OCM: variants seen among roughly 807,000 people sequenced by gnomAD.
OCM encodes the protein oncomodulin.
A neutral mutation model predicts 14.1 loss-of-function variants in OCM; 18 were observed. That is an observed-to-expected ratio of 1.28 (90% confidence interval 0.88 to 1.89). The LOEUF (loss-of-function observed/expected upper bound fraction) is 1.89. OCM is among the 40% of genes most tolerant of loss of function. OCM has a pLI of 0.00. For missense variants in OCM, 140 were observed against 137.6 expected (o/e 1.02, Z -0.09); for synonymous variants, 48 against 51.0 (o/e 0.94, Z 0.25).
chr7:5,864,346 CAAAAA>C, the OCM span, among the ~76,000 whole-genome samples: 2 of 121,794 alleles, frequency 1.6e-5, no homozygotes, highest in Admixed American at 8.1e-5. Context: ...GACCTTGTCT[CAAAAA>C]AAAAAAAAAA....
the OCM span, among the ~76,000 whole-genome samples, chr7:5,870,735 C>T: frequency 6.6e-6 from 1 of 152,158 alleles, no homozygotes; most frequent in Admixed American, 6.5e-5. Context: ...AAGTGCTTGA[C>T]ATGTCAGCAC....
chr7:5,879,595 C>T (rs992899007), upstream of OCM, among the ~76,000 whole-genome samples: 1 of 152,060 alleles, frequency 6.6e-6, no homozygotes, highest in African/African-American at 2.4e-5. Flanking sequence ...TTCAGGCCAC[C>T]ATCTCCACCT....
the OCM span, among the ~76,000 whole-genome samples, chr7:5,865,173 C>CG: frequency 6.6e-6 from 1 of 151,816 alleles, no homozygotes; most frequent in African/African-American, 2.4e-5. Flanking sequence ...TGGCCAGCGT[C>CG]GGGGCCGACG....
At chr7:5,864,534 A>G in the OCM span, among the ~76,000 whole-genome samples, 35 of 152,138 alleles carry the variant, frequency 2.3e-4, no homozygotes, top group East Asian at 6.6e-3. Flanking sequence ...CGTTAGTAAA[A>G]GCTCAACTTT....
intron 1 of OCM, among the ~76,000 whole-genome samples, chr7:5,881,512 C>T (rs1415687400): frequency 6.6e-6 from 1 of 151,888 alleles, no homozygotes; most frequent in Non-Finnish European, 1.5e-5. Flanking sequence ...TGCCTGTGGT[C>T]CCAGCTACTC....
chr7:5,862,434 C>A, the OCM span, among the ~76,000 whole-genome samples: 3 of 152,042 alleles, frequency 2.0e-5, no homozygotes, highest in Non-Finnish European at 4.4e-5. Context: ...GGATACATCT[C>A]CCCCTATAAA....
the OCM span, among the ~76,000 whole-genome samples, chr7:5,861,639 G>C: frequency 0.16 from 24,200 of 152,012 alleles, 2,136 homozygotes; most frequent in East Asian, 0.35. Context: ...GAGGGTTCCA[G>C]TTCCTCTCTC....
intron 2 of OCM, among the ~76,000 whole-genome samples, chr7:5,883,325 T>A (rs999688008): frequency 6.6e-6 from 1 of 152,098 alleles, no homozygotes; most frequent in Non-Finnish European, 1.5e-5. Flanking sequence ...CACTCCAGCC[T>A]GGGTGACAGA....
chr7:5,865,394 AT>A, the OCM span, among the ~76,000 whole-genome samples: 108 of 152,242 alleles, frequency 7.1e-4, no homozygotes, highest in Non-Finnish European at 1.2e-3. Flanking sequence ...CAAATGAGAG[AT>A]GGTGACGCTA....
chr7:5,865,021 T>C, the OCM span, among the ~76,000 whole-genome samples: 1 of 152,094 alleles, frequency 6.6e-6, no homozygotes, highest in East Asian at 1.9e-4. Context: ...TTGAAAGACC[T>C]GTGGAAGACA....
the OCM span, among the ~76,000 whole-genome samples, chr7:5,864,863 G>T: frequency 6.6e-6 from 1 of 151,906 alleles, no homozygotes; most frequent in South Asian, 2.1e-4. Context: ...GCTTGAACCC[G>T]GGAGGCGGAG....
chr7:5,865,473 A>G, the OCM span, among the ~76,000 whole-genome samples: 4 of 152,188 alleles, frequency 2.6e-5, no homozygotes, highest in African/African-American at 4.8e-5. Flanking sequence ...AGGGCAGCAA[A>G]CCGCTTCTGA....
chr7:5,863,973 TCTG>T, the OCM span, among the ~76,000 whole-genome samples: 4 of 151,814 alleles, frequency 2.6e-5, no homozygotes, highest in Non-Finnish European at 1.5e-5. Flanking sequence ...GGCAAGGTCA[TCTG>T]CTGAGGATGA....
At chr7:5,877,152 G>A (rs1446253586), upstream of OCM, among the ~76,000 whole-genome samples, 2 of 151,940 alleles carry the variant, frequency 1.3e-5, no homozygotes, top group African/African-American at 4.8e-5. Context: ...TTGCAAGGTG[G>A]GATCTATTTT....
At chr7:5,868,741 T>C in the OCM span, among the ~76,000 whole-genome samples, 1 of 152,066 alleles carries the variant, frequency 6.6e-6, no homozygotes, top group Non-Finnish European at 1.5e-5. Context: ...AGCTCTGGGC[T>C]ACCCAGAAAG....
chr7:5,866,893 C>T, the OCM span, among the ~76,000 whole-genome samples: 471 of 152,238 alleles, frequency 3.1e-3, 1 homozygote, highest in African/African-American at 9.2e-3. Context: ...TCCCTATAAC[C>T]GCCGTCCTGT....
the OCM span, among the ~76,000 whole-genome samples, chr7:5,866,158 C>CA: frequency 1.3e-3 from 185 of 140,432 alleles, 1 homozygote; most frequent in East Asian, 5.4e-3. Flanking sequence ...CCAGTCTCTA[C>CA]AAAAAAAAAA....
the OCM span, among the ~76,000 whole-genome samples, chr7:5,866,728 A>G: frequency 2.0e-5 from 3 of 152,154 alleles, no homozygotes; most frequent in South Asian, 6.2e-4. Flanking sequence ...TGGTGGATAC[A>G]TATTGTGTCA....
chr7:5,870,577 C>T, the OCM span, among the ~76,000 whole-genome samples: 1 of 152,206 alleles, frequency 6.6e-6, no homozygotes, highest in African/African-American at 2.4e-5. Context: ...GAGATTTCAG[C>T]ACACATCTGA....
Sources: allele counts gnomAD v4.1 joint callset (sites outside exome capture counted in the v4.1 genomes callset), GRCh38; gene constraint gnomAD v4.1.1; transcripts MANE v1.5; gene names NCBI Gene and HGNC (gene_info 2026-07-23, HGNC 2026-07-21).